GPR176: variants seen among roughly 807,000 people sequenced by gnomAD.
GPR176 encodes G-protein coupled receptor 176.
In GPR176, 26 loss-of-function variants were observed where a neutral mutation model predicts 35.4. That is an observed-to-expected ratio of 0.74 (90% CI 0.54 to 1.02). The LOEUF is 1.02. Ranked by LOEUF, GPR176 falls within the 50% of genes least tolerant of loss-of-function variation. The probability of loss-of-function intolerance (pLI) is 0.00; values close to 1 mark genes in which losing one functional copy is unlikely to be tolerated. For missense variants in GPR176, 597 were observed against 665.3 expected (o/e 0.90, Z 1.13); for synonymous variants, 278 against 271.3 (o/e 1.02, Z -0.24).
chr15:39,869,145 TG>T (rs1276600261), intron 1 of GPR176, among the ~76,000 whole-genome samples: 1 of 103,118 alleles, frequency 9.7e-6, no homozygotes, highest in Admixed American at 1.3e-4. Context: ...TTCCCACAAC[TG>T]CTTTTTAAAA....
At chr15:39,880,393 C>T (rs2032427843) in intron 1 of GPR176, among the ~76,000 whole-genome samples, 1 of 152,208 alleles carries the variant, frequency 6.6e-6, no homozygotes, top group Non-Finnish European at 1.5e-5. Flanking sequence ...CTGCTGTCTC[C>T]TATATGGCAC....
intron 1 of GPR176, among the ~76,000 whole-genome samples, chr15:39,817,774 T>C (rs751493696): frequency 6.6e-6 from 1 of 152,132 alleles, no homozygotes; most frequent in Non-Finnish European, 1.5e-5. Context: ...AAATGATACC[T>C]GGAGAGTTCA....
intron 1 of GPR176, among the ~76,000 whole-genome samples, chr15:39,905,447 C>CA (rs35302123): frequency 8.6e-4 from 78 of 91,062 alleles, no homozygotes; most frequent in Non-Finnish European, 9.0e-4. Flanking sequence ...CTCGTCTCTA[C>CA]AAAAAAAAAA....
intron 1 of GPR176, among the ~76,000 whole-genome samples, chr15:39,870,148 G>A (rs1165208696): frequency 6.6e-6 from 1 of 152,000 alleles, no homozygotes; most frequent in Non-Finnish European, 1.5e-5. Context: ...TGCCCCCATT[G>A]TCACATCTCC....
chr15:39,884,274 G>C (rs2032588156), intron 1 of GPR176, among the ~76,000 whole-genome samples: 1 of 152,206 alleles, frequency 6.6e-6, no homozygotes, highest in Non-Finnish European at 1.5e-5. Context: ...CCAATATTTG[G>C]AAAGTTTCTG....
chr15:39,835,098 A>G (rs975525661), intron 1 of GPR176, among the ~76,000 whole-genome samples: 8 of 151,946 alleles, frequency 5.3e-5, no homozygotes, highest in African/African-American at 1.9e-4. Context: ...GCTCACCACA[A>G]CCTCTGCCTC....
intron 1 of GPR176, among the ~76,000 whole-genome samples, chr15:39,861,548 A>G (rs981268560): frequency 2.3e-5 from 3 of 130,938 alleles, no homozygotes; most frequent in Admixed American, 1.4e-4. Flanking sequence ...ACTCCATCTC[A>G]AAAAAAAAAA....
intron 1 of GPR176, among the ~76,000 whole-genome samples, chr15:39,826,413 A>AG (rs1900654915): frequency 6.6e-6 from 1 of 152,194 alleles, no homozygotes. Context: ...ACAGGACCCC[A>AG]GGGGTGCTTA....
chr15:39,853,968 T>C (rs1008641224), intron 1 of GPR176, among the ~76,000 whole-genome samples: 1 of 152,140 alleles, frequency 6.6e-6, no homozygotes. Context: ...AGGTGAAGAC[T>C]GAAGTTTTTA....
chr15:39,856,474 C>T (rs2031227633), intron 1 of GPR176, among the ~76,000 whole-genome samples: 1 of 152,210 alleles, frequency 6.6e-6, no homozygotes, highest in African/African-American at 2.4e-5. Flanking sequence ...CAGCGTCTCT[C>T]AGGAGACTAT....
chr15:39,892,112 G>A (rs1393330590), intron 1 of GPR176, among the ~76,000 whole-genome samples: 1 of 152,128 alleles, frequency 6.6e-6, no homozygotes, highest in Non-Finnish European at 1.5e-5. Flanking sequence ...AGGTGCTATA[G>A]GGAAAAAGAA....
At chr15:39,897,654 C>T (rs539443993) in intron 1 of GPR176, among the ~76,000 whole-genome samples, 2 of 131,206 alleles carry the variant, frequency 1.5e-5, no homozygotes, top group South Asian at 2.5e-4. Flanking sequence ...TCGCCCAGGC[C>T]GGACTGCGGA....
chr15:39,848,712 T>C (rs2030623297), intron 1 of GPR176, among the ~76,000 whole-genome samples: 2 of 152,044 alleles, frequency 1.3e-5, no homozygotes, highest in African/African-American at 4.8e-5. Context: ...TTCTATATTA[T>C]TCATGCGCTG....
intron 1 of GPR176, among the ~76,000 whole-genome samples, chr15:39,913,598 A>G (rs1395625602): frequency 1.3e-5 from 2 of 152,050 alleles, no homozygotes; most frequent in Non-Finnish European, 2.9e-5. Flanking sequence ...ATGAGTGGTG[A>G]TTGCCTAGGG....
In GPR176 at chr15:39,896,681, T is replaced by C. The variant is rs577127073; in HGVS notation, c.172+23174A>G. ...CAGAACCAGGACTTAAACTCAGAGC[T>C]GGCTGATTCCAAATCCCTTTGATCC... On this transcript the variant is annotated intron_variant, in intron 1 of 2. Coordinates refer to ENST00000561100, the MANE Select transcript of GPR176 (RefSeq NM_007223.3). Among the ~76,000 whole-genome samples the C allele has an allele frequency of 6.6e-5, 10 of 152,362 alleles. No homozygotes were observed. The South Asian group carries it at 2.1e-3, about 32-fold the overall frequency.
At position 39,801,377 on chromosome 15, in the gene GPR176, C is replaced by A. The variant is rs751545498; in HGVS notation, c.1303G>T (p.Ala435Ser). The A allele has an allele frequency of 1.2e-6, 2 of 1,614,158 alleles. No homozygotes were observed. Among genetic ancestry groups the A allele is most frequent in the Middle Eastern group, 1.6e-4 (1 of 6,062 alleles). ...LSTVDSVSQV[A>S]PAAPVEPETF... ...TCAGGTTCCACAGGGGCTGCCGGTG[C>A]CACCTGGGATACAGAGTCCACTGTG... Residue 435 changes from alanine (A) to serine (S), a missense_variant, in exon 3 of 3, where the codon GCA (alanine) becomes TCA (serine). Around this residue, in one of 3 missense-constraint regions of GPR176, gnomAD observed 251 missense variants for 255.4 expected, o/e 0.98. Transcript: ENST00000561100.
chr15:39,843,359 A>C (rs1325985683), intron 1 of GPR176, among the ~76,000 whole-genome samples: 1 of 152,054 alleles, frequency 6.6e-6, no homozygotes, highest in African/African-American at 2.4e-5. Context: ...ATCAAGAAAA[A>C]ATCATTATTT....
chr15:39,890,708 C>G (rs931109618), intron 1 of GPR176, among the ~76,000 whole-genome samples: 5 of 152,152 alleles, frequency 3.3e-5, no homozygotes, highest in African/African-American at 4.8e-5. Flanking sequence ...ACAAAGGAAC[C>G]CTTACTGACT....
intron 1 of GPR176, among the ~76,000 whole-genome samples, chr15:39,867,448 C>T (rs945856473): frequency 6.6e-6 from 1 of 152,082 alleles, no homozygotes; most frequent in Non-Finnish European, 1.5e-5. Context: ...GGGAAATGCA[C>T]AGCTGGCCAG....
Sources: allele counts gnomAD v4.1 joint callset (sites outside exome capture counted in the v4.1 genomes callset), GRCh38; gene constraint gnomAD v4.1.1; regional missense constraint gnomAD v4.1.1; transcripts MANE v1.5; gene names NCBI Gene and HGNC (gene_info 2026-07-23, HGNC 2026-07-21).